The following PLEKHA6 variants were observed in gnomAD, a reference collection of about 807,000 sequenced individuals.
The protein encoded by PLEKHA6 is pleckstrin homology domain containing A6, also known as pleckstrin homology domain-containing family A member 6.
Under a neutral mutation model 116.7 loss-of-function variants are expected in PLEKHA6, and 60 were observed. The ratio of observed to expected loss-of-function variants is 0.51; its 90% CI spans 0.42 to 0.64. The LOEUF is 0.64. Ranked by LOEUF, PLEKHA6 falls within the 30% of genes least tolerant of loss-of-function variation. The pLI, the probability that PLEKHA6 is intolerant of heterozygous loss-of-function variation, is 0.00. For missense variants in PLEKHA6, 1,338 were observed against 1,422.7 expected, an observed-to-expected ratio of 0.94 and a Z score of 0.96; for synonymous variants, 489 against 556.1, an observed-to-expected ratio of 0.88 and a Z score of 1.70.
rs1668128844 is a variant in PLEKHA6 at position 204,277,405 on chromosome 1, G to A, written c.-94-2596C>T. Among the ~76,000 whole-genome samples, 1 of 152,200 alleles carries A rather than the reference G, an allele frequency of 6.6e-6. No homozygotes were observed. Among genetic ancestry groups the A allele is most frequent in the Non-Finnish European group, 1.5e-5 (1 of 68,036 alleles). The stretch of plus-strand genomic sequence containing the variant: ...GGAGAGACAGGCATACACGGAGCAG[G>A]TGTAGCACTCCCAGGTAGTCCGACC... On this transcript the variant is annotated intron_variant, in intron 1 of 22. Transcript: ENST00000272203. The surrounding 1 kb of genome is among the most constrained non-coding windows in gnomAD (Gnocchi z 4.1).
At chr1:204,271,339 C>T (rs1227249605) in intron 3 of PLEKHA6, among the ~76,000 whole-genome samples, 1 of 152,102 alleles carries the variant, frequency 6.6e-6, no homozygotes, top group Admixed American at 6.5e-5. Context: ...ATCACCAGAG[C>T]CAGCAAGGTA....
chr1:204,251,209 TA>T (rs1462628964), intron 9 of PLEKHA6, among the ~76,000 whole-genome samples: 1 of 152,228 alleles, frequency 6.6e-6, no homozygotes, highest in Non-Finnish European at 1.5e-5. Flanking sequence ...CTCATGCCTT[TA>T]ACCCCAGTGA....
intron 9 of PLEKHA6, among the ~76,000 whole-genome samples, chr1:204,254,595 T>C (rs1025487339): frequency 1.5e-4 from 23 of 152,196 alleles, no homozygotes; most frequent in African/African-American, 5.6e-4. Flanking sequence ...CTGTGTGTTC[T>C]TGGCATGTTA....
intron 2 of PLEKHA6, chr1:204,369,845 A>G (rs1370171258): frequency 6.6e-6 from 1 of 152,234 alleles, no homozygotes; most frequent in Non-Finnish European, 1.5e-5. Flanking sequence ...ACCACCATCA[A>G]CCTGGTAGAA....
intron 12 of PLEKHA6, among the ~76,000 whole-genome samples, chr1:204,248,607 C>T (rs537969489): frequency 1.3e-5 from 2 of 152,374 alleles, no homozygotes; most frequent in Admixed American, 1.3e-4. Context: ...GAAATAAGCT[C>T]ATTTCCTCGG....
At chr1:204,313,335 G>A (rs566423009) in intron 1 of PLEKHA6, among the ~76,000 whole-genome samples, 1 of 152,074 alleles carries the variant, frequency 6.6e-6, no homozygotes, top group Non-Finnish European at 1.5e-5. Context: ...TCCCCACACA[G>A]CTCATCTTTT....
At chr1:204,353,749 T>C (rs1232028732) in intron 1 of PLEKHA6, among the ~76,000 whole-genome samples, 3 of 152,086 alleles carry the variant, frequency 2.0e-5, no homozygotes, top group Admixed American at 6.6e-5. Context: ...GGGAAAAGCA[T>C]TGGGTTAGGA....
chr1:204,243,757 G>A (rs1663195201), intron 15 of PLEKHA6, among the ~76,000 whole-genome samples: 2 of 152,136 alleles, frequency 1.3e-5, no homozygotes, highest in South Asian at 2.1e-4. Context: ...ATAGGATGCT[G>A]GGCTCCCTGA....
At chr1:204,240,400 C>T (rs1011286895) in intron 17 of PLEKHA6, among the ~76,000 whole-genome samples, 13 of 152,220 alleles carry the variant, frequency 8.5e-5, no homozygotes, top group African/African-American at 2.9e-4. Context: ...CTGCTATGAC[C>T]ACGTGACCAG....
chr1:204,360,631 C>T (rs1673538910), upstream of PLEKHA6, among the ~76,000 whole-genome samples: 1 of 152,182 alleles, frequency 6.6e-6, no homozygotes, highest in South Asian at 2.1e-4. Context: ...TAAGACAGAC[C>T]CACTTGTATT....
intron 14 of PLEKHA6, 73 bp from the exon 15 acceptor site, chr1:204,245,076 T>C: frequency 9.3e-7 from 1 of 1,072,592 alleles, no homozygotes; most frequent in Non-Finnish European, 1.3e-6. Flanking sequence ...GCACTGTGAG[T>C]GGAGGTGGCA....
intron 1 of PLEKHA6, among the ~76,000 whole-genome samples, chr1:204,329,576 G>A (rs1672373939): frequency 6.6e-6 from 1 of 152,240 alleles, no homozygotes; most frequent in South Asian, 2.1e-4. Flanking sequence ...TGTGCCTCCT[G>A]ATAGATGTGC....
chr1:204,224,811 C>A (rs1660111991), intron 21 of PLEKHA6, among the ~76,000 whole-genome samples: 1 of 152,198 alleles, frequency 6.6e-6, no homozygotes, highest in South Asian at 2.1e-4. Flanking sequence ...AACACACATT[C>A]GTGTGCATAG....
At chr1:204,256,840 A>G in intron 9 of PLEKHA6, 1 of 664,652 alleles carries the variant, frequency 1.5e-6, no homozygotes. Flanking sequence ...GGGTAGTTGT[A>G]GGGGAACAGT....
intron 1 of PLEKHA6, chr1:204,320,444 G>A: frequency 2.1e-6 from 2 of 964,420 alleles, no homozygotes; most frequent in Non-Finnish European, 2.5e-6. Context: ...GAGACTGTGG[G>A]TGGGAAGGAG....
chr1:204,273,524 A>G (rs1667689515), intron 3 of PLEKHA6, 102 bp downstream of exon 3: 2 of 830,306 alleles, frequency 2.4e-6, no homozygotes, highest in Non-Finnish European at 4.1e-6. Flanking sequence ...GCCTGCAGAA[A>G]TAGCTGGACA....
chr1:204,250,882 A>G (rs573392484), intron 9 of PLEKHA6, among the ~76,000 whole-genome samples: 3 of 152,160 alleles, frequency 2.0e-5, no homozygotes, highest in Non-Finnish European at 4.4e-5. Context: ...CTCTCCCCCA[A>G]GCACTAGGGT....
chr1:204,339,791 T>G (rs1672781388), intron 1 of PLEKHA6, among the ~76,000 whole-genome samples: 1 of 152,190 alleles, frequency 6.6e-6, no homozygotes, highest in Non-Finnish European at 1.5e-5. Flanking sequence ...AATGACAAAT[T>G]TATAGATCAT....
chr1:204,375,901 T>G (rs1469584231), intron 1 of PLEKHA6, among the ~76,000 whole-genome samples: 1 of 101,794 alleles, frequency 9.8e-6, no homozygotes, highest in Non-Finnish European at 2.1e-5. Flanking sequence ...TCCCCAAGCC[T>G]CTACTTCCAA....
Sources: gnomAD v4.1 joint callset for allele counts (sites outside exome capture counted in the v4.1 genomes callset) on GRCh38, gnomAD v4.1.1 for gene constraint, Gnocchi (gnomAD v3.1) non-coding constraint, MANE v1.5 for transcripts, NCBI Gene and HGNC (gene_info 2026-07-23, HGNC 2026-07-21) for gene names.